MIPOL1: variants seen among roughly 807,000 people sequenced by gnomAD.
MIPOL1 encodes mirror-image polydactyly 1.
In MIPOL1, 57 loss-of-function variants were observed where a neutral mutation model predicts 60.9. That is an observed-to-expected ratio of 0.94 (90% CI 0.76 to 1.17). The LOEUF (loss-of-function observed/expected upper bound fraction) is 1.17. MIPOL1 is among the 50% of genes most tolerant of loss of function. MIPOL1 has a pLI of 0.00. For synonymous variants in MIPOL1, 179 were observed against 168.8 expected (o/e 1.06, Z -0.47); for missense variants, 551 against 511.6 (o/e 1.08, Z -0.74).
chr14:37,291,307 C>T (rs1244954894), intron 7 of MIPOL1, among the ~76,000 whole-genome samples: 6 of 152,244 alleles, frequency 3.9e-5, no homozygotes, highest in African/African-American at 1.2e-4. Flanking sequence ...TTTGTCCTTA[C>T]GTGTTATCTG....
intron 10 of MIPOL1, among the ~76,000 whole-genome samples, 161 bp from the exon 11 acceptor site, chr14:37,422,694 C>T (rs1267334334): frequency 6.6e-6 from 1 of 150,992 alleles, no homozygotes; most frequent in Admixed American, 6.6e-5. Flanking sequence ...ATTATTAATG[C>T]CTTTAGACTA....
At chr14:37,545,860 T>C in intron 12 of MIPOL1, 1 of 383,114 alleles carries the variant, frequency 2.6e-6, no homozygotes. Context: ...CATGGATCCA[T>C]ATAAATGAGG....
chr14:37,534,078 C>CAAAA (rs564604002), intron 12 of MIPOL1, among the ~76,000 whole-genome samples: 2 of 69,458 alleles, frequency 2.9e-5, no homozygotes, highest in African/African-American at 7.6e-5. Context: ...GACTCCATCT[C>CAAAA]AAAAAAAAAA....
At chr14:37,420,775 A>G (rs563264109) in intron 10 of MIPOL1, among the ~76,000 whole-genome samples, 1 of 152,122 alleles carries the variant, frequency 6.6e-6, no homozygotes, top group Non-Finnish European at 1.5e-5. Flanking sequence ...GGCTAGTGGG[A>G]TGCAGTACTT....
intron 6 of MIPOL1, chr14:37,276,232 T>C (rs1324602697): frequency 6.6e-6 from 1 of 151,096 alleles, no homozygotes; most frequent in Admixed American, 6.6e-5. Flanking sequence ...CATAGATTTC[T>C]TTCTCTGCAT....
At chr14:37,312,371 A>G (rs1006514505) in intron 9 of MIPOL1, among the ~76,000 whole-genome samples, 3 of 152,194 alleles carry the variant, frequency 2.0e-5, no homozygotes, top group African/African-American at 7.2e-5. Flanking sequence ...TTGGCCTCCC[A>G]AAGTGCTGGG....
chr14:37,285,236 C>T, intron 6 of MIPOL1, 82 bp from the exon 7 acceptor site: 1 of 1,456,100 alleles, frequency 6.9e-7, no homozygotes, highest in Non-Finnish European at 9.5e-7. Context: ...GTAATAATTA[C>T]TTATGGCTTT....
At chr14:37,467,198 A>C (rs918006153) in intron 11 of MIPOL1, among the ~76,000 whole-genome samples, 3 of 152,238 alleles carry the variant, frequency 2.0e-5, no homozygotes, top group Non-Finnish European at 4.4e-5. Flanking sequence ...AAACCTGTAG[A>C]TAAAGCAATC....
chr14:37,287,071 C>T lies in MIPOL1; in HGVS notation c.623+1624C>T, dbSNP rs572798048. ...GTTCTGCTGCTTCCTTGCTGTATAG[C>T]GATGGACAAATTACCCAAAGTCTTT... On this transcript the variant is annotated intron_variant, in intron 7 of 12. Coordinates refer to ENST00000684589, the MANE Select transcript of MIPOL1 (RefSeq NM_001388067.1). Among the ~76,000 whole-genome samples, 7 of 152,076 alleles carry T rather than the reference C, an allele frequency of 4.6e-5. No individual in the cohort carries two copies. In the South Asian group the frequency reaches 1.2e-3, roughly 27 times the overall value.
intron 11 of MIPOL1, among the ~76,000 whole-genome samples, chr14:37,488,756 A>T (rs546554543): frequency 8.5e-5 from 13 of 152,224 alleles, no homozygotes; most frequent in Admixed American, 2.0e-4. Flanking sequence ...AAAAATGTTG[A>T]ATATTGGCCC....
intron 11 of MIPOL1, among the ~76,000 whole-genome samples, chr14:37,483,486 A>G (rs1474866445): frequency 6.6e-6 from 1 of 152,116 alleles, no homozygotes; most frequent in African/African-American, 2.4e-5. Context: ...CAATTGCAGA[A>G]TCCATGTATT....
intron 1 of MIPOL1, among the ~76,000 whole-genome samples, chr14:37,228,864 G>A (rs1970192324): frequency 1.3e-5 from 2 of 152,140 alleles, no homozygotes; most frequent in Admixed American, 1.3e-4. Context: ...GGACAAGGCG[G>A]GAGAATTGCT....
chr14:37,533,442 A>G (rs2153637303), intron 12 of MIPOL1, among the ~76,000 whole-genome samples: 1 of 152,316 alleles, frequency 6.6e-6, no homozygotes, highest in Admixed American at 6.5e-5. Context: ...ATTTTTAACA[A>G]AAGACACTCT....
At chr14:37,289,317 A>C (rs896204101) in intron 7 of MIPOL1, among the ~76,000 whole-genome samples, 3 of 152,186 alleles carry the variant, frequency 2.0e-5, no homozygotes, top group African/African-American at 7.2e-5. Flanking sequence ...AGTGTCCTCC[A>C]ATTAAATTCT....
At chr14:37,273,986 TG>T (rs2153395984) in intron 6 of MIPOL1, among the ~76,000 whole-genome samples, 1 of 151,658 alleles carries the variant, frequency 6.6e-6, no homozygotes, top group East Asian at 1.9e-4. Flanking sequence ...GACATTTTAT[TG>T]TTTGGCTTTT....
chr14:37,459,130 A>G (rs540666225), intron 11 of MIPOL1, among the ~76,000 whole-genome samples: 1 of 152,098 alleles, frequency 6.6e-6, no homozygotes, highest in African/African-American at 2.4e-5. Context: ...AGAAGAAACT[A>G]AATCCAAAGC....
In MIPOL1 at chr14:37,355,142, ATT is replaced by A. The variant is rs930847848; in HGVS notation, c.829-14372_829-14371del. 2.3e-3 allele frequency among the ~76,000 whole-genome samples: 339 copies of A among 149,842 alleles called. 1 individual carries two copies. The highest frequency in any genetic ancestry group is 8.0e-3 in the African/African-American group (327 of 40,718). On this transcript the variant is annotated intron_variant, in intron 9 of 12. Coordinates refer to ENST00000684589, the MANE Select transcript of MIPOL1 (RefSeq NM_001388067.1). ...CTCAGCATTTGCTTGTCTGTAAAGT[ATT>A]TTATTTCTCCTTAGCTTATGAAGCT...
chr14:37,250,776 AAAG>A (rs1296455832), intron 3 of MIPOL1, among the ~76,000 whole-genome samples: 3 of 152,142 alleles, frequency 2.0e-5, no homozygotes, highest in African/African-American at 7.2e-5. Context: ...ACTAATTTTA[AAAG>A]AAATTAAGTT....
In MIPOL1 at chr14:37,258,729, G is replaced by A. The variant is rs184199105; in HGVS notation, c.20-8209G>A. Reference sequence around the variant, plus strand: ...TTGAAATTTAAAAGCTTAAACATATGATAGAATTTCACAAAATACTTACGT... The same window carrying A: ...TTGAAATTTAAAAGCTTAAACATATAATAGAATTTCACAAAATACTTACGT... On this transcript the variant is annotated intron_variant, in intron 3 of 12. Transcript: ENST00000684589. 2.5e-3 allele frequency among the ~76,000 whole-genome samples: 384 copies of A among 152,134 alleles called. 1 individual carries two copies. The highest frequency in any genetic ancestry group is 9.1e-3 in the African/African-American group (376 of 41,518).
Sources: allele counts gnomAD v4.1 joint callset (sites outside exome capture counted in the v4.1 genomes callset), GRCh38; gene constraint gnomAD v4.1.1; transcripts MANE v1.5; gene names NCBI Gene and HGNC (gene_info 2026-07-23, HGNC 2026-07-21).